The following NDUFAF6 variants were observed in gnomAD, a reference collection of about 807,000 sequenced individuals.
NDUFAF6 encodes NADH:ubiquinone oxidoreductase complex assembly factor 6.
NDUFAF6 carries 45 observed loss-of-function variants against 40.8 expected under a neutral mutation model. The observed-to-expected ratio is 1.10, with a 90% confidence interval of 0.87 to 1.42. The LOEUF is 1.42. Ranked by LOEUF, NDUFAF6 falls within the 40% of genes most tolerant of loss-of-function variation. The probability of loss-of-function intolerance (pLI) is 0.00; values close to 1 mark genes in which losing one functional copy is unlikely to be tolerated. For synonymous variants in NDUFAF6, 185 were observed against 155.9 expected, an observed-to-expected ratio of 1.19 and a Z score of -1.39; for missense variants, 435 against 418.5, an observed-to-expected ratio of 1.04 and a Z score of -0.34.
downstream of NDUFAF6, among the ~76,000 whole-genome samples, chr8:95,063,611 C>G (rs962598286): frequency 2.0e-4 from 31 of 152,116 alleles, no homozygotes; most frequent in African/African-American, 6.7e-4. Context: ...CAAAACAAAA[C>G]AAAACAAAAA....
chr8:95,064,987 A>C (rs2599708), intron 9 of NDUFAF6, among the ~76,000 whole-genome samples: 6 of 152,216 alleles, frequency 3.9e-5, no homozygotes, highest in Non-Finnish European at 8.8e-5. Context: ...TGGAATGTCC[A>C]GATAGCTGAA....
In NDUFAF6 at chr8:95,069,398, G is replaced by A. The variant is rs371132937; in HGVS notation, c.*512-6235G>A. Among the ~76,000 whole-genome samples, 106 of 151,954 alleles carry A rather than the reference G, an allele frequency of 7.0e-4. 1 individual carries two copies. In the South Asian group the frequency reaches 0.021, roughly 30 times the overall value. On this transcript the variant is annotated intron_variant and NMD_transcript_variant, in intron 9 of 9. Transcript: ENST00000520757. ...GTTGCATTATCTACAGAAGACTACTGCTACCACCTTATATGCACTCGTATG... is the reference window on the plus strand; with the variant it reads ...GTTGCATTATCTACAGAAGACTACTACTACCACCTTATATGCACTCGTATG...
intron 8 of NDUFAF6, among the ~76,000 whole-genome samples, chr8:95,056,505 G>T (rs1314765721): frequency 2.0e-5 from 3 of 151,880 alleles, no homozygotes; most frequent in African/African-American, 7.3e-5. Context: ...GAGCCACCAC[G>T]CGTGGTCTCT....
At position 94,941,079 on chromosome 8, in the gene NDUFAF6, A is replaced by G. The variant is rs932460164; in HGVS notation, c.-935-4404A>G. The G allele has an allele frequency of 1.9e-5, 12 of 629,270 alleles. No individual in the cohort carries two copies. The African/African-American group carries it at 2.2e-4, about 12-fold the overall frequency. The allele number at this position is 629,270 out of a possible 1,614,324, so 39.0% of individuals were successfully genotyped here. On this transcript the variant is annotated intron_variant, in intron 1 of 14. Coordinates refer to the NDUFAF6 transcript ENST00000396113. ...TATTCAACTTAGGTGAAAAGCAAGA[A>G]GAGTCATTGTACCTAAAATAAAACA...
At position 95,032,101 on chromosome 8, in the gene NDUFAF6, A is replaced by G. The variant is rs776966483; in HGVS notation, c.297+7A>G. 1 of 1,609,988 alleles carries G rather than the reference A, an allele frequency of 6.2e-7. No individual in the cohort carries two copies. Among genetic ancestry groups the G allele is most frequent in the Admixed American group, 1.7e-5 (1 of 60,026 alleles). ...TAATGTGGAACTGGCTCAGGCTGGTATTAAGATACCTTAAAATATTATTTG... is the reference window on the plus strand; with the variant it reads ...TAATGTGGAACTGGCTCAGGCTGGTGTTAAGATACCTTAAAATATTATTTG... On this transcript the variant is annotated splice_region_variant and intron_variant, in intron 2 of 8. Coordinates refer to ENST00000396124, the MANE Select transcript of NDUFAF6 (RefSeq NM_152416.4).
At chr8:94,971,730 A>G (rs1363570170) in intron 1 of NDUFAF6, among the ~76,000 whole-genome samples, 1 of 152,198 alleles carries the variant, frequency 6.6e-6, no homozygotes, top group African/African-American at 2.4e-5. Context: ...TGAGGTCAGG[A>G]GTTCGAGACC....
chr8:95,113,759 A>G (rs904635115), intron 4 of NDUFAF6, among the ~76,000 whole-genome samples: 1 of 152,162 alleles, frequency 6.6e-6, no homozygotes, highest in African/African-American at 2.4e-5. Context: ...GGCAAGAATC[A>G]CATGAACCCG....
Position 95,101,116 on chromosome 8 carries a change from A to G in NDUFAF6, n.136-16A>G, listed in dbSNP as rs184922105. On this transcript the variant is annotated splice_polypyrimidine_tract_variant and intron_variant and non_coding_transcript_variant, in intron 1 of 2. Coordinates refer to the NDUFAF6 transcript ENST00000521063. ...TACTTATAGTAATTGCCTGCAATAC[A>G]TTGTGTTCTTAACAGGGCAAAGAAG... 20 of 152,296 alleles carry G rather than the reference A, an allele frequency of 1.3e-4. No individual in the cohort carries two copies. The East Asian group carries it at 3.1e-3, about 23-fold the overall frequency. The allele number at this position is 152,296 out of a possible 1,614,324, so 9.4% of individuals were successfully genotyped here.
chr8:94,933,170 T>C (rs1820594637), intron 1 of NDUFAF6, among the ~76,000 whole-genome samples: 1 of 151,442 alleles, frequency 6.6e-6, no homozygotes, highest in Non-Finnish European at 1.5e-5. Context: ...GAGCCGAGAT[T>C]GCGCCGCTGC....
intron 1 of NDUFAF6, among the ~76,000 whole-genome samples, chr8:94,906,757 A>G (rs1458092233): frequency 6.6e-6 from 1 of 152,204 alleles, no homozygotes; most frequent in Non-Finnish European, 1.5e-5. Context: ...GCTTAAGATT[A>G]TTTTGAGTCA....
chr8:94,924,944 T>C (rs1011993645), intron 1 of NDUFAF6, among the ~76,000 whole-genome samples: 1 of 152,182 alleles, frequency 6.6e-6, no homozygotes, highest in Non-Finnish European at 1.5e-5. Flanking sequence ...GGTTTTGCCA[T>C]GTTGGCCAGG....
At chr8:94,896,553 C>A (rs113930555) in intron 1 of NDUFAF6, 7,257 of 152,176 alleles carry the variant, frequency 0.048, 224 homozygotes, top group Non-Finnish European at 0.072. Flanking sequence ...GAACAAAGAT[C>A]CCCCGGGTGG....
At chr8:95,094,375 TTTCC>T (rs1473311678) in intron 2 of NDUFAF6, among the ~76,000 whole-genome samples, 41,903 of 101,286 alleles carry the variant, frequency 0.41, 9,931 homozygotes, top group East Asian at 0.72. Context: ...TTTTCTTTTC[TTTCC>T]TTCTTTCTTT....
At chr8:94,896,955 C>T (rs112174214) in intron 1 of NDUFAF6, among the ~76,000 whole-genome samples, 341 of 152,336 alleles carry the variant, frequency 2.2e-3, no homozygotes, top group Non-Finnish European at 4.1e-3. Flanking sequence ...AAGAAACTTT[C>T]TGCCATTTCT....
intron 2 of NDUFAF6, chr8:94,984,001 A>G (rs1473273542): frequency 6.6e-6 from 1 of 152,246 alleles, no homozygotes. Context: ...TCTTGGGGAC[A>G]GCAGTTTTTC....
chr8:95,055,958 T>C (rs748100472), intron 8 of NDUFAF6, among the ~76,000 whole-genome samples: 2 of 152,202 alleles, frequency 1.3e-5, no homozygotes, highest in Non-Finnish European at 2.9e-5. Flanking sequence ...CTCTCCTCAA[T>C]TTTGTGCATA....
chr8:95,036,812 G>C (rs561241783), intron 3 of NDUFAF6, among the ~76,000 whole-genome samples: 1 of 152,348 alleles, frequency 6.6e-6, no homozygotes, highest in South Asian at 2.1e-4. Context: ...TAAATTGTCC[G>C]ATTTTAATAG....
At chr8:95,024,165 G>A (rs1435000416), upstream of NDUFAF6, among the ~76,000 whole-genome samples, 1 of 152,200 alleles carries the variant, frequency 6.6e-6, no homozygotes, top group East Asian at 1.9e-4. Context: ...TCTGGCCTAT[G>A]GCCGTCTTCA....
intron 1 of NDUFAF6, among the ~76,000 whole-genome samples, chr8:94,979,000 G>A (rs1319397986): frequency 1.3e-5 from 2 of 152,144 alleles, no homozygotes; most frequent in Non-Finnish European, 2.9e-5. Flanking sequence ...TGTTTGGGGT[G>A]TTTGGGGTAG....
Sources: gnomAD v4.1 joint callset for allele counts (sites outside exome capture counted in the v4.1 genomes callset) on GRCh38, gnomAD v4.1.1 for gene constraint, MANE v1.5 for transcripts, NCBI Gene and HGNC (gene_info 2026-07-23, HGNC 2026-07-21) for gene names.